The following MSRB3 variants were observed in gnomAD, a reference collection of about 807,000 sequenced individuals.
The protein encoded by MSRB3 is methionine-R-sulfoxide reductase B3.
Under a neutral mutation model 21.0 loss-of-function variants are expected in MSRB3, and 13 were observed. The observed-to-expected ratio is 0.62, with a 90% CI of 0.40 to 0.98. The LOEUF is 0.98. Among genes scored for constraint, MSRB3 ranks in the 50% least tolerant of loss-of-function variants. The pLI is 0.00. For synonymous variants in MSRB3, 87 were observed against 88.6 expected (o/e 0.98, Z 0.10); for missense variants, 199 against 230.3 (o/e 0.86, Z 0.88).
intron 2 of MSRB3, among the ~76,000 whole-genome samples, chr12:65,314,426 G>A (rs910690350): frequency 6.6e-6 from 1 of 152,002 alleles, no homozygotes; most frequent in South Asian, 2.1e-4. Context: ...TTAAAATGTT[G>A]ATTAAATGAG....
intron 4 of MSRB3, among the ~76,000 whole-genome samples, chr12:65,343,356 G>A (rs542248691): frequency 6.6e-6 from 1 of 152,098 alleles, no homozygotes; most frequent in Admixed American, 6.6e-5. Flanking sequence ...AGCTTAAACT[G>A]CTTAAACCTT....
chr12:65,288,613 T>G (rs1872520353), intron 1 of MSRB3, among the ~76,000 whole-genome samples: 1 of 152,150 alleles, frequency 6.6e-6, no homozygotes, highest in African/African-American at 2.4e-5. Context: ...ATATTAAATA[T>G]CCCATCTGAA....
intron 5 of MSRB3, among the ~76,000 whole-genome samples, chr12:65,426,050 G>A (rs1031229496): frequency 2.6e-5 from 4 of 151,970 alleles, no homozygotes; most frequent in Admixed American, 1.3e-4. Flanking sequence ...TAGAGAGGGG[G>A]TTTCACCATG....
chr12:65,371,874 A>G (rs1472600735), intron 5 of MSRB3, among the ~76,000 whole-genome samples: 2 of 152,088 alleles, frequency 1.3e-5, no homozygotes, highest in African/African-American at 4.8e-5. Flanking sequence ...GCAAATCCTC[A>G]ACCTCCTGTG....
At chr12:65,411,145 C>G (rs1011691595) in intron 5 of MSRB3, among the ~76,000 whole-genome samples, 2 of 152,156 alleles carry the variant, frequency 1.3e-5, no homozygotes, top group African/African-American at 4.8e-5. Flanking sequence ...TATACTTTAA[C>G]TAAGTTTCTT....
At chr12:65,293,181 AT>A (rs777086112) in intron 1 of MSRB3, among the ~76,000 whole-genome samples, 9 of 151,952 alleles carry the variant, frequency 5.9e-5, no homozygotes, top group African/African-American at 1.5e-4. Flanking sequence ...GTCCTCTTAA[AT>A]TTTTTTTATT....
intron 1 of MSRB3, among the ~76,000 whole-genome samples, chr12:65,300,718 A>G (rs1184233163): frequency 6.6e-6 from 1 of 152,186 alleles, no homozygotes; most frequent in African/African-American, 2.4e-5. Context: ...CTGTTTGTTC[A>G]CTGTGGTTCA....
intron 5 of MSRB3, among the ~76,000 whole-genome samples, chr12:65,390,057 A>G (rs1362993380): frequency 1.3e-5 from 2 of 152,186 alleles, no homozygotes; most frequent in African/African-American, 4.8e-5. Flanking sequence ...ACAAACGTTT[A>G]TATCTACACT....
At chr12:65,299,664 G>A (rs1339308186) in intron 1 of MSRB3, among the ~76,000 whole-genome samples, 1 of 152,148 alleles carries the variant, frequency 6.6e-6, no homozygotes, top group East Asian at 1.9e-4. Context: ...GAAGAAGGGA[G>A]TATGGATTCT....
At chr12:65,363,478 A>T (rs1310201699) in intron 4 of MSRB3, among the ~76,000 whole-genome samples, 1 of 152,192 alleles carries the variant, frequency 6.6e-6, no homozygotes, top group Non-Finnish European at 1.5e-5. Flanking sequence ...TGCATATATT[A>T]CATAATTTAA....
intron 5 of MSRB3, among the ~76,000 whole-genome samples, chr12:65,449,907 AT>A (rs201358218): frequency 1.3e-5 from 2 of 152,176 alleles, no homozygotes; most frequent in Non-Finnish European, 2.9e-5. Context: ...TGTTTCACAG[AT>A]TTTTTTAAAG....
chr12:65,316,930 A>G (rs1488783826), intron 2 of MSRB3, among the ~76,000 whole-genome samples: 1 of 151,282 alleles, frequency 6.6e-6, no homozygotes, highest in Non-Finnish European at 1.5e-5. Flanking sequence ...GGGAGGTGGT[A>G]GGAGTGGAGG....
intron 4 of MSRB3, among the ~76,000 whole-genome samples, chr12:65,347,884 C>T (rs555622540): frequency 5.9e-5 from 9 of 152,240 alleles, no homozygotes; most frequent in South Asian, 2.1e-4. Flanking sequence ...TGCTGGATTA[C>T]GTTTACTGAT....
intron 5 of MSRB3, among the ~76,000 whole-genome samples, chr12:65,422,615 GT>G (rs1881381808): frequency 6.6e-6 from 1 of 150,854 alleles, no homozygotes; most frequent in Admixed American, 6.6e-5. Context: ...AATTTTGATG[GT>G]GATTGCATTA....
Position 65,464,811 on chromosome 12 carries a change from A to G in MSRB3, c.*1489A>G, listed in dbSNP as rs1393730961. 2 of 152,218 alleles carry G rather than the reference A, an allele frequency of 1.3e-5. No homozygotes were observed. The highest frequency in any genetic ancestry group is 2.1e-4 in the South Asian group (1 of 4,838). The allele number at this position is 152,218 out of a possible 1,614,324, so 9.4% of individuals were successfully genotyped here. On this transcript the variant is annotated 3_prime_UTR_variant, in exon 7 of 7. Coordinates refer to ENST00000308259, the MANE Select transcript of MSRB3 (RefSeq NM_001031679.3). ...AGAGCTCCAGGTGACCTCTGGAGAG[A>G]CATGGGCATTCACATGGAAAGCTAA...
intron 5 of MSRB3, among the ~76,000 whole-genome samples, chr12:65,431,172 C>G (rs1335571444): frequency 6.6e-6 from 1 of 152,010 alleles, no homozygotes; most frequent in Admixed American, 6.6e-5. Context: ...CTCTTTGAAG[C>G]AGTTACTTCC....
intron 5 of MSRB3, among the ~76,000 whole-genome samples, chr12:65,374,912 C>T (rs1347120903): frequency 3.3e-5 from 5 of 152,114 alleles, no homozygotes; most frequent in East Asian, 1.9e-4. Context: ...TGCAGTGGCG[C>T]GATCTCGGCT....
intron 4 of MSRB3, among the ~76,000 whole-genome samples, chr12:65,337,265 A>AC (rs1032194272): frequency 4.7e-5 from 7 of 148,894 alleles, no homozygotes; most frequent in African/African-American, 1.8e-4. Context: ...AAACAAAACA[A>AC]AACAAAAAAA....
At chr12:65,428,668 T>TTC (rs1194515836) in intron 5 of MSRB3, among the ~76,000 whole-genome samples, 4 of 152,318 alleles carry the variant, frequency 2.6e-5, no homozygotes, top group African/African-American at 9.6e-5. Flanking sequence ...TTCCAAGGGC[T>TTC]TCTAATTGAC....
Sources: gnomAD v4.1 joint callset for allele counts (sites outside exome capture counted in the v4.1 genomes callset) on GRCh38, gnomAD v4.1.1 for gene constraint, MANE v1.5 for transcripts, NCBI Gene and HGNC (gene_info 2026-07-23, HGNC 2026-07-21) for gene names.